The following ADAMTS19 variants were observed in gnomAD, a reference collection of about 807,000 sequenced individuals.
ADAMTS19 encodes the protein A disintegrin and metalloproteinase with thrombospondin motifs 19.
A neutral mutation model predicts 153.3 loss-of-function variants in ADAMTS19; 93 were observed. The observed-to-expected ratio is 0.61, with a 90% CI of 0.51 to 0.72. ADAMTS19 has a LOEUF of 0.72. ADAMTS19 is among the 30% of genes least tolerant of loss of function. The probability of loss-of-function intolerance (pLI) is 0.00; values close to 1 mark genes in which losing one functional copy is unlikely to be tolerated. For synonymous variants in ADAMTS19, 600 were observed against 556.6 expected (o/e 1.08, Z -1.10); for missense variants, 1,482 against 1,552.1 (o/e 0.95, Z 0.76).
chr5:129,533,679 G>C (rs2126780490), intron 6 of ADAMTS19, among the ~76,000 whole-genome samples: 1 of 152,048 alleles, frequency 6.6e-6, no homozygotes, highest in South Asian at 2.1e-4. Context: ...TCTTTTAATT[G>C]TGATGTTAGG....
chr5:129,729,412 T>C (rs973853172), intron 21 of ADAMTS19, among the ~76,000 whole-genome samples: 9 of 151,956 alleles, frequency 5.9e-5, no homozygotes, highest in Non-Finnish European at 1.3e-4. Flanking sequence ...TAATAAAAGT[T>C]TTACCAAATT....
At chr5:129,499,916 AC>A (rs1254074174) in intron 2 of ADAMTS19, among the ~76,000 whole-genome samples, 1 of 152,088 alleles carries the variant, frequency 6.6e-6, no homozygotes, top group Admixed American at 6.6e-5. Flanking sequence ...CATTCCTAGT[AC>A]TTGGCACTAC....
chr5:129,467,916 C>T (rs1333971389), intron 2 of ADAMTS19, among the ~76,000 whole-genome samples: 2 of 152,194 alleles, frequency 1.3e-5, no homozygotes, highest in South Asian at 2.1e-4. Context: ...AATATATATA[C>T]ATGTATACAC....
chr5:129,689,889 A>G (rs1453715534), intron 18 of ADAMTS19, among the ~76,000 whole-genome samples: 2 of 152,248 alleles, frequency 1.3e-5, no homozygotes, highest in Admixed American at 6.5e-5. Context: ...TTATATTGAC[A>G]GAAACTATTC....
intron 2 of ADAMTS19, among the ~76,000 whole-genome samples, chr5:129,506,492 A>T (rs959638086): frequency 1.6e-4 from 24 of 151,880 alleles, no homozygotes; most frequent in Non-Finnish European, 3.2e-4. Context: ...TGTGCAGGTT[A>T]GTTACATATG....
chr5:129,690,711 C>T (rs529174654), intron 18 of ADAMTS19, among the ~76,000 whole-genome samples: 7 of 152,034 alleles, frequency 4.6e-5, no homozygotes, highest in South Asian at 4.1e-4. Flanking sequence ...ATCTAGGAAG[C>T]GCTCAGAGAA....
At chr5:129,712,775 A>G (rs753282975) in intron 21 of ADAMTS19, among the ~76,000 whole-genome samples, 13 of 152,314 alleles carry the variant, frequency 8.5e-5, no homozygotes, top group African/African-American at 2.9e-4. Flanking sequence ...ATATGCTGTT[A>G]TATATGCTAC....
At chr5:129,615,070 A>C in intron 8 of ADAMTS19, among the ~76,000 whole-genome samples, 1 of 96,254 alleles carries the variant, frequency 1.0e-5, no homozygotes. Flanking sequence ...TTCCATGCTC[A>C]TGGATAGGAA....
At chr5:129,498,024 C>T (rs537134019) in intron 2 of ADAMTS19, among the ~76,000 whole-genome samples, 285 of 152,186 alleles carry the variant, frequency 1.9e-3, no homozygotes, top group African/African-American at 6.7e-3. Flanking sequence ...CTTGAGAGCT[C>T]TACATGAATC....
intron 3 of ADAMTS19, among the ~76,000 whole-genome samples, chr5:129,516,276 C>CTTTTT (rs61392717): frequency 7.5e-6 from 1 of 134,118 alleles, no homozygotes; most frequent in African/African-American, 2.7e-5. Context: ...TTTTTCTTTT[C>CTTTTT]TTTTTTTTTT....
At chr5:129,599,089 T>TAAA (rs55892109) in intron 8 of ADAMTS19, among the ~76,000 whole-genome samples, 1 of 148,806 alleles carries the variant, frequency 6.7e-6, no homozygotes, top group Non-Finnish European at 1.5e-5. Context: ...ATTTATTACT[T>TAAA]AAAAAAAAAA....
intron 8 of ADAMTS19, among the ~76,000 whole-genome samples, chr5:129,609,689 G>A (rs1161842036): frequency 6.6e-6 from 1 of 152,112 alleles, no homozygotes; most frequent in Non-Finnish European, 1.5e-5. Flanking sequence ...TATAGATGTG[G>A]CAGCTCTCCC....
intron 4 of ADAMTS19, 151 bp from the exon 5 acceptor site, chr5:129,527,597 A>G: frequency 2.4e-6 from 1 of 411,428 alleles, no homozygotes; most frequent in South Asian, 4.9e-5. Flanking sequence ...ACAAATAAAA[A>G]ATTACTTTGC....
At chr5:129,551,683 A>G (rs923032855) in intron 6 of ADAMTS19, among the ~76,000 whole-genome samples, 181 bp from the exon 7 acceptor site, 8 of 151,826 alleles carry the variant, frequency 5.3e-5, no homozygotes, top group African/African-American at 1.9e-4. Flanking sequence ...CATGTGCTAT[A>G]AAATTTAATT....
chr5:129,487,764 G>A (rs1266982868), intron 2 of ADAMTS19, among the ~76,000 whole-genome samples: 1 of 151,982 alleles, frequency 6.6e-6, no homozygotes, highest in East Asian at 1.9e-4. Context: ...TACATAATTA[G>A]TTTCAGTTTG....
chr5:129,571,474 C>T (rs1257038799), intron 7 of ADAMTS19, among the ~76,000 whole-genome samples: 1 of 151,404 alleles, frequency 6.6e-6, no homozygotes, highest in African/African-American at 2.4e-5. Context: ...TTTAACCAAA[C>T]AGGTACAAAA....
At chr5:129,609,422 T>G (rs901910794) in intron 8 of ADAMTS19, among the ~76,000 whole-genome samples, 4 of 152,194 alleles carry the variant, frequency 2.6e-5, no homozygotes, top group Admixed American at 1.3e-4. Flanking sequence ...ATTAGTAGTA[T>G]TATAGTTATT....
At chr5:129,486,198 T>G (rs1447952865) in intron 2 of ADAMTS19, among the ~76,000 whole-genome samples, 1 of 152,200 alleles carries the variant, frequency 6.6e-6, no homozygotes, top group African/African-American at 2.4e-5. Flanking sequence ...CTAGAAATTC[T>G]TTAAGAAATT....
intron 8 of ADAMTS19, among the ~76,000 whole-genome samples, chr5:129,619,016 G>A (rs1751657945): frequency 6.6e-6 from 1 of 152,068 alleles, no homozygotes; most frequent in Non-Finnish European, 1.5e-5. Flanking sequence ...CTGTAACAAT[G>A]TTGTTCACAG....
Sources: gnomAD v4.1 joint callset for allele counts (sites outside exome capture counted in the v4.1 genomes callset) on GRCh38, gnomAD v4.1.1 for gene constraint, MANE v1.5 for transcripts, NCBI Gene and HGNC (gene_info 2026-07-23, HGNC 2026-07-21) for gene names.